The following RGS6 variants were observed in gnomAD, a reference collection of about 807,000 sequenced individuals.
RGS6 encodes regulator of G-protein signaling 6.
In RGS6, 30 loss-of-function variants were observed where a neutral mutation model predicts 78.5. The ratio of observed to expected loss-of-function variants is 0.38; its 90% CI spans 0.29 to 0.52. The LOEUF is 0.52. RGS6 is among the 20% of genes least tolerant of loss of function. The pLI is 0.85. For synonymous variants in RGS6, 206 were observed against 206.0 expected (o/e 1.00, Z 0.00); for missense variants, 495 against 609.7 (o/e 0.81, Z 1.98).
At chr14:71,932,264 G>A (rs914160663), upstream of RGS6, among the ~76,000 whole-genome samples, 14 of 151,766 alleles carry the variant, frequency 9.2e-5, no homozygotes, top group Non-Finnish European at 1.6e-4. Context: ...CGCGGGACGC[G>A]CTCAGGTGCC....
the RGS6 span, among the ~76,000 whole-genome samples, chr14:71,900,684 CA>C: frequency 2.6e-5 from 4 of 152,114 alleles, no homozygotes; most frequent in East Asian, 7.7e-4. Context: ...AAGGATAGCA[CA>C]CAGAACTGTG....
chr14:72,225,763 A>G (rs1244568460), intron 2 of RGS6, among the ~76,000 whole-genome samples: 1 of 152,240 alleles, frequency 6.6e-6, no homozygotes, highest in African/African-American at 2.4e-5. Context: ...GGGTCATACT[A>G]TATTTAGTGT....
intron 2 of RGS6, among the ~76,000 whole-genome samples, chr14:72,203,333 T>G (rs1173743182): frequency 6.6e-6 from 1 of 152,182 alleles, no homozygotes; most frequent in Non-Finnish European, 1.5e-5. Flanking sequence ...CAAGCAAAAT[T>G]GAGTTTAAAT....
the RGS6 span, among the ~76,000 whole-genome samples, chr14:71,914,614 G>C: frequency 3.3e-5 from 5 of 152,076 alleles, no homozygotes; most frequent in African/African-American, 1.2e-4. Context: ...TCGGTTTCCT[G>C]TAAAAGAATC....
At chr14:72,287,169 C>T (rs558831701) in intron 2 of RGS6, among the ~76,000 whole-genome samples, 73 of 152,276 alleles carry the variant, frequency 4.8e-4, no homozygotes, top group Middle Eastern at 3.4e-3. Context: ...ATTTTGTTTC[C>T]TGATATTTCA....
chr14:72,498,822 T>C (rs2096679498), intron 13 of RGS6, among the ~76,000 whole-genome samples: 1 of 152,184 alleles, frequency 6.6e-6, no homozygotes, highest in Non-Finnish European at 1.5e-5. Context: ...CCTGGTTTGG[T>C]TCACGGAGTT....
intron 2 of RGS6, among the ~76,000 whole-genome samples, chr14:72,097,233 A>G (rs764071587): frequency 2.5e-4 from 38 of 152,228 alleles, no homozygotes; most frequent in Non-Finnish European, 1.2e-4. Context: ...AATCAAAACC[A>G]ACACTGAGCT....
At chr14:71,892,410 T>A in the RGS6 span, among the ~76,000 whole-genome samples, 1 of 152,254 alleles carries the variant, frequency 6.6e-6, no homozygotes, top group African/African-American at 2.4e-5. Flanking sequence ...ACCTTAGGTT[T>A]TCCTTTCCAG....
At chr14:72,546,681 C>T (rs183433498) in intron 17 of RGS6, among the ~76,000 whole-genome samples, 2 of 152,240 alleles carry the variant, frequency 1.3e-5, no homozygotes, top group African/African-American at 2.4e-5. Flanking sequence ...CCTCGACCCC[C>T]GCCCAGGCCC....
At chr14:72,628,353 G>A in the RGS6 span, among the ~76,000 whole-genome samples, 1 of 151,836 alleles carries the variant, frequency 6.6e-6, no homozygotes, top group Non-Finnish European at 1.5e-5. Flanking sequence ...TTTTAAAACT[G>A]ACAAAGGGAA....
At chr14:72,497,490 G>T (rs1017074337) in intron 13 of RGS6, among the ~76,000 whole-genome samples, 2 of 151,708 alleles carry the variant, frequency 1.3e-5, no homozygotes, top group African/African-American at 4.8e-5. Context: ...TCTCTTCCCT[G>T]ACTTTTACTT....
At chr14:72,473,314 G>A in intron 9 of RGS6, among the ~76,000 whole-genome samples, 1 of 152,176 alleles carries the variant, frequency 6.6e-6, no homozygotes. Context: ...CGTGGTGGCA[G>A]GCACCTGTAG....
At chr14:72,363,387 C>T (rs192357611) in intron 3 of RGS6, among the ~76,000 whole-genome samples, 1 of 152,338 alleles carries the variant, frequency 6.6e-6, no homozygotes, top group East Asian at 1.9e-4. Flanking sequence ...TACAGCCACG[C>T]ATCATTAAAT....
intron 15 of RGS6, among the ~76,000 whole-genome samples, chr14:72,524,166 T>C (rs2097090299): frequency 6.6e-6 from 1 of 152,200 alleles, no homozygotes. Flanking sequence ...CAAAAGAAAT[T>C]CTCTCAAAAT....
chr14:72,544,513 G>A (rs1354060187), intron 17 of RGS6, among the ~76,000 whole-genome samples: 1 of 152,184 alleles, frequency 6.6e-6, no homozygotes, highest in African/African-American at 2.4e-5. Context: ...GAGGAGAAGG[G>A]AGAGGAGGAC....
intron 3 of RGS6, among the ~76,000 whole-genome samples, chr14:72,377,950 C>T (rs769846197): frequency 1.1e-4 from 16 of 152,170 alleles, no homozygotes; most frequent in Admixed American, 5.2e-4. Context: ...TGCCTCTGCA[C>T]TCCATCCTGG....
At chr14:72,374,261 C>T (rs12589291) in intron 3 of RGS6, among the ~76,000 whole-genome samples, 1,721 of 149,604 alleles carry the variant, frequency 0.012, 11 homozygotes, top group Middle Eastern at 0.031. Flanking sequence ...CACGACAGGC[C>T]GTGGTGTGGG....
chr14:72,545,395 A>G (rs2097380501), intron 17 of RGS6, among the ~76,000 whole-genome samples: 1 of 152,204 alleles, frequency 6.6e-6, no homozygotes, highest in South Asian at 2.1e-4. Context: ...GCCCTCCTGC[A>G]GACTGGCTCC....
downstream of RGS6, chr14:72,566,674 CACACACA>C (rs2097712865): frequency 7.3e-6 from 1 of 136,238 alleles, no homozygotes; most frequent in Non-Finnish European, 1.5e-5. Context: ...CACACACACA[CACACACA>C]CCTGTTTCCT....
Sources: allele counts gnomAD v4.1 joint callset (sites outside exome capture counted in the v4.1 genomes callset), GRCh38; gene constraint gnomAD v4.1.1; transcripts MANE v1.5; gene names NCBI Gene and HGNC (gene_info 2026-07-23, HGNC 2026-07-21).